The following PARVA variants were observed in gnomAD, a reference collection of about 807,000 sequenced individuals.
PARVA encodes parvin alpha, also known as alpha-parvin.
In PARVA, 25 loss-of-function variants were observed where a neutral mutation model predicts 52.6. The ratio of observed to expected loss-of-function variants is 0.48; its 90% CI spans 0.35 to 0.66. The LOEUF (loss-of-function observed/expected upper bound fraction) is 0.66. PARVA is among the 30% of genes least tolerant of loss of function. PARVA has a pLI of 0.01. For missense variants in PARVA, 373 were observed against 450.9 expected (o/e 0.83, Z 1.56); for synonymous variants, 185 against 179.1 (o/e 1.03, Z -0.26).
chr11:12,377,461 G>C (rs1939408496), upstream of PARVA: 5 of 1,406,856 alleles, frequency 3.6e-6, no homozygotes, highest in Non-Finnish European at 4.6e-6. Context: ...CCAGGGCAGA[G>C]GGCGGCGCGA....
intron 1 of PARVA, among the ~76,000 whole-genome samples, chr11:12,398,997 T>C (rs1361718408): frequency 6.6e-6 from 1 of 151,696 alleles, no homozygotes; most frequent in Non-Finnish European, 1.5e-5. Flanking sequence ...ATAGGTTCTG[T>C]TTTTATCCCC....
intron 12 of PARVA, among the ~76,000 whole-genome samples, chr11:12,518,783 C>T (rs1282707114): frequency 1.3e-5 from 2 of 152,216 alleles, no homozygotes; most frequent in African/African-American, 4.8e-5. Flanking sequence ...GCAGGAACTG[C>T]CCTGTGCCCA....
At chr11:12,471,939 C>T (rs1471814302) in intron 1 of PARVA, among the ~76,000 whole-genome samples, 1 of 152,236 alleles carries the variant, frequency 6.6e-6, no homozygotes, top group Non-Finnish European at 1.5e-5. Context: ...CTGCTCACTC[C>T]TTGCGTAGCA....
intron 1 of PARVA, among the ~76,000 whole-genome samples, chr11:12,457,599 T>A (rs1426529395): frequency 1.3e-5 from 2 of 152,180 alleles, no homozygotes; most frequent in African/African-American, 4.8e-5. Context: ...ACGTCCTGGC[T>A]CTGGTGTAGA....
At chr11:12,502,022 T>TCCAGG (rs1941369194) in intron 5 of PARVA, among the ~76,000 whole-genome samples, 1 of 152,164 alleles carries the variant, frequency 6.6e-6, no homozygotes, top group Non-Finnish European at 1.5e-5. Flanking sequence ...CAAACCTGGA[T>TCCAGG]TTGCCTCTGA....
chr11:12,377,875 G>T (rs1939423392), intron 1 of PARVA, 92 bp downstream of exon 1: 2 of 878,724 alleles, frequency 2.3e-6, no homozygotes, highest in Admixed American at 9.4e-5. Context: ...GCGGGAGCGC[G>T]CCGCGGGTGC....
At chr11:12,523,221 C>G (rs934408993) in intron 12 of PARVA, among the ~76,000 whole-genome samples, 1 of 152,082 alleles carries the variant, frequency 6.6e-6, no homozygotes, top group Non-Finnish European at 1.5e-5. Flanking sequence ...TGGATCCTGC[C>G]CCGGTGGGGA....
rs772658955 is a variant in PARVA at position 12,504,342 on chromosome 11, C to T, written c.570C>T (p.Ile190=). The T allele has an allele frequency of 1.9e-6, 3 of 1,613,252 alleles. No individual in the cohort carries two copies. The highest frequency in any genetic ancestry group is 4.5e-5 in the East Asian group (2 of 44,874). Residue 190 remains isoleucine, a synonymous_variant, in exon 6 of 13, where the codon ATC becomes ATT. Coordinates refer to ENST00000334956, the MANE Select transcript of PARVA (RefSeq NM_018222.5). ...DSVHAKSLVA[I]LHLLVALSQY... ...TTCATGCCAAGAGCCTGGTGGCCAT[C>T]TTACACCTGCTCGTTGCTCTGTCTC... is the stretch of plus-strand genomic sequence containing the variant.
intron 4 of PARVA, among the ~76,000 whole-genome samples, chr11:12,483,691 G>C (rs954266158): frequency 6.6e-6 from 1 of 152,206 alleles, no homozygotes; most frequent in African/African-American, 2.4e-5. Context: ...CCAAGGAGCT[G>C]GGGGAAGGGG....
chr11:12,507,847 G>T (rs1478222560), intron 6 of PARVA, among the ~76,000 whole-genome samples: 5 of 152,044 alleles, frequency 3.3e-5, no homozygotes, highest in African/African-American at 1.2e-4. Context: ...CTCCTCAAGG[G>T]CAGAAACTAT....
At chr11:12,456,249 C>T (rs1305319631) in intron 1 of PARVA, among the ~76,000 whole-genome samples, 3 of 152,196 alleles carry the variant, frequency 2.0e-5, no homozygotes. Flanking sequence ...GCATGCACTA[C>T]TGTGCTGGGC....
At position 12,385,701 on chromosome 11, in the gene PARVA, G is replaced by A. The variant is rs548257877; in HGVS notation, c.136+7918G>A. Among the ~76,000 whole-genome samples the A allele has an allele frequency of 2.6e-5, 4 of 152,282 alleles. No homozygotes were observed. In the South Asian group the frequency reaches 8.3e-4, roughly 32 times the overall value. Reference sequence around the variant, plus strand: ...TAGGTCAATTAACAAGTGTGGCTATGTTCCCATATAATTTTAGTTATGGTC... The same window carrying A: ...TAGGTCAATTAACAAGTGTGGCTATATTCCCATATAATTTTAGTTATGGTC... On this transcript the variant is annotated intron_variant, in intron 1 of 12. Transcript: ENST00000334956.
At chr11:12,495,422 G>C (rs150973342) in intron 4 of PARVA, among the ~76,000 whole-genome samples, 1 of 152,296 alleles carries the variant, frequency 6.6e-6, no homozygotes, top group Non-Finnish European at 1.5e-5. Flanking sequence ...AATTTAACTT[G>C]TATAGCAGCC....
chr11:12,382,153 C>T (rs1008777203), intron 1 of PARVA, among the ~76,000 whole-genome samples: 9 of 152,308 alleles, frequency 5.9e-5, no homozygotes, highest in African/African-American at 1.9e-4. Flanking sequence ...TACAGTGGTA[C>T]AGTATGTACT....
At position 12,477,848 on chromosome 11, in the gene PARVA, T is replaced by A; in HGVS notation, c.299T>A (p.Val100Glu). 6.6e-7 allele frequency: 1 copy of A among 1,508,378 alleles called. No homozygotes were observed. Among genetic ancestry groups the A allele is most frequent in the Non-Finnish European group, 9.2e-7 (1 of 1,083,548 alleles). 93.4% of individuals were successfully genotyped at this position (1,508,378 alleles called of 1,614,324 possible). Residue 100 changes from valine to glutamate, a missense_variant and splice_region_variant, in exon 4 of 13, where the codon GTA becomes GAA. Val to Glu is a moderately radical substitution (Grantham distance 121). Transcript: ENST00000334956. ...SDPKLQELMK[V>E]LIDWINDVLV... is the part of the protein sequence containing the mutation. ...CATTCCCTTTCTCTCTCTCTGTAGG[T>A]ATTAATTGACTGGATTAATGATGTG...
At chr11:12,462,491 C>T (rs1940796372) in intron 1 of PARVA, among the ~76,000 whole-genome samples, 1 of 152,142 alleles carries the variant, frequency 6.6e-6, no homozygotes, top group Non-Finnish European at 1.5e-5. Context: ...AATGGATTAC[C>T]CGCTAAGCCA....
At chr11:12,510,902 A>G (rs755705817) in intron 7 of PARVA, among the ~76,000 whole-genome samples, 2 of 152,224 alleles carry the variant, frequency 1.3e-5, no homozygotes, top group African/African-American at 4.8e-5. Flanking sequence ...AAAATCACTC[A>G]GTGCAATTTA....
chr11:12,450,514 T>C (rs1940608056), intron 1 of PARVA, among the ~76,000 whole-genome samples: 2 of 152,206 alleles, frequency 1.3e-5, no homozygotes, highest in Non-Finnish European at 2.9e-5. Flanking sequence ...GGGTGTTGGA[T>C]GCCCATGTGT....
chr11:12,464,985 G>C (rs559181534), intron 1 of PARVA, among the ~76,000 whole-genome samples: 1 of 152,266 alleles, frequency 6.6e-6, no homozygotes, highest in South Asian at 2.1e-4. Context: ...ACACAACCTA[G>C]ATCACTTGCA....
Sources: gnomAD v4.1 joint callset for allele counts (sites outside exome capture counted in the v4.1 genomes callset) on GRCh38, gnomAD v4.1.1 for gene constraint, MANE v1.5 for transcripts, NCBI Gene and HGNC (gene_info 2026-07-23, HGNC 2026-07-21) for gene names.